The following RPS6KC1 variants were observed in gnomAD, a reference collection of about 807,000 sequenced individuals.
The protein encoded by RPS6KC1 is inactive ribosomal protein S6 kinase delta-1.
RPS6KC1 carries 54 observed loss-of-function variants against 103.8 expected under a neutral mutation model. The ratio of observed to expected loss-of-function variants is 0.52; its 90% CI spans 0.42 to 0.65. RPS6KC1 has a LOEUF of 0.65. RPS6KC1 is among the 30% of genes least tolerant of loss of function. The pLI, the probability that RPS6KC1 is intolerant of heterozygous loss-of-function variation, is 0.00. For missense variants in RPS6KC1, 1,151 were observed against 1,253.8 expected (o/e 0.92, Z 1.24); for synonymous variants, 439 against 438.7 (o/e 1.00, Z -0.01).
intron 7 of RPS6KC1, among the ~76,000 whole-genome samples, chr1:213,173,310 C>T (rs1287450830): frequency 6.6e-6 from 1 of 152,200 alleles, no homozygotes; most frequent in Non-Finnish European, 1.5e-5. Flanking sequence ...AAAAAGAGAA[C>T]TTTAATGATC....
the RPS6KC1 span, among the ~76,000 whole-genome samples, chr1:213,528,061 G>T: frequency 6.6e-6 from 1 of 151,906 alleles, no homozygotes; most frequent in Non-Finnish European, 1.5e-5. Context: ...TCTCAGGGCA[G>T]AGGCAAAAGA....
At chr1:213,105,605 A>G (rs767888628) in intron 4 of RPS6KC1, among the ~76,000 whole-genome samples, 11 of 152,154 alleles carry the variant, frequency 7.2e-5, no homozygotes, top group Non-Finnish European at 1.3e-4. Context: ...GATATTGCAA[A>G]TTTACAGTAA....
the RPS6KC1 span, among the ~76,000 whole-genome samples, chr1:213,592,506 C>G: frequency 4.6e-5 from 7 of 152,134 alleles, no homozygotes; most frequent in Non-Finnish European, 1.0e-4. Flanking sequence ...TACTTTTGCC[C>G]TTTCTAGGGG....
the RPS6KC1 span, among the ~76,000 whole-genome samples, chr1:213,514,525 C>T: frequency 6.6e-6 from 1 of 151,996 alleles, no homozygotes; most frequent in South Asian, 2.1e-4. Flanking sequence ...TGATGGTTTC[C>T]AGCTTCATCC....
intron 3 of RPS6KC1, among the ~76,000 whole-genome samples, chr1:213,090,822 C>G (rs2080892547): frequency 6.6e-6 from 1 of 152,040 alleles, no homozygotes; most frequent in Admixed American, 6.6e-5. Context: ...ATAAAAAATA[C>G]ACTACATGTT....
intron 6 of RPS6KC1, among the ~76,000 whole-genome samples, chr1:213,163,616 T>A (rs2090687477): frequency 6.6e-6 from 1 of 152,172 alleles, no homozygotes; most frequent in Non-Finnish European, 1.5e-5. Context: ...GAAAGAACCG[T>A]TTTTTATTCT....
At chr1:213,226,096 G>A (rs944133204) in intron 8 of RPS6KC1, among the ~76,000 whole-genome samples, 8 of 152,142 alleles carry the variant, frequency 5.3e-5, no homozygotes, top group East Asian at 3.9e-4. Context: ...GGTGGCGGGC[G>A]CCTGTAGTCC....
chr1:213,663,262 T>C, the RPS6KC1 span, among the ~76,000 whole-genome samples: 3 of 152,256 alleles, frequency 2.0e-5, no homozygotes, highest in African/African-American at 7.2e-5. Context: ...AGACAAGAGC[T>C]GTGACTTGCA....
intron 12 of RPS6KC1, among the ~76,000 whole-genome samples, chr1:213,248,788 G>A (rs2094496915): frequency 6.6e-6 from 1 of 152,168 alleles, no homozygotes; most frequent in Non-Finnish European, 1.5e-5. Flanking sequence ...AATGCGATTT[G>A]TCTCTAGTGG....
chr1:213,487,618 G>A, the RPS6KC1 span, among the ~76,000 whole-genome samples: 1 of 152,006 alleles, frequency 6.6e-6, no homozygotes, highest in Non-Finnish European at 1.5e-5. Flanking sequence ...CTTACAGGGG[G>A]GCATAGTGGT....
At chr1:213,774,358 A>G in the RPS6KC1 span, among the ~76,000 whole-genome samples, 28 of 152,200 alleles carry the variant, frequency 1.8e-4, no homozygotes, top group Non-Finnish European at 2.6e-4. Context: ...ATTTCAGAAT[A>G]CAAACTAAAG....
At chr1:213,091,281 C>G (rs1439298667) in intron 3 of RPS6KC1, among the ~76,000 whole-genome samples, 1 of 151,858 alleles carries the variant, frequency 6.6e-6, no homozygotes, top group African/African-American at 2.4e-5. Flanking sequence ...AGGATGATCT[C>G]GATCTCCTGA....
At chr1:213,339,094 T>A in the RPS6KC1 span, among the ~76,000 whole-genome samples, 2 of 152,010 alleles carry the variant, frequency 1.3e-5, no homozygotes. Context: ...TGAAACTCCA[T>A]CTGAACTAAA....
intron 6 of RPS6KC1, among the ~76,000 whole-genome samples, chr1:213,141,685 T>C (rs894522360): frequency 6.6e-6 from 1 of 152,052 alleles, no homozygotes; most frequent in Non-Finnish European, 1.5e-5. Flanking sequence ...ATTGGTTAGC[T>C]CTTGTTTTTC....
chr1:213,355,450 A>G, the RPS6KC1 span, among the ~76,000 whole-genome samples: 1 of 152,102 alleles, frequency 6.6e-6, no homozygotes, highest in Non-Finnish European at 1.5e-5. Flanking sequence ...TAGCACGGGC[A>G]CGGGGCAGTT....
the RPS6KC1 span, among the ~76,000 whole-genome samples, chr1:213,466,339 T>G: frequency 6.6e-6 from 1 of 152,342 alleles, no homozygotes; most frequent in South Asian, 2.1e-4. Context: ...TGAATGAGAC[T>G]GTCTCCCCCT....
chr1:213,797,324 C>A, the RPS6KC1 span, among the ~76,000 whole-genome samples: 1 of 152,118 alleles, frequency 6.6e-6, no homozygotes, highest in Admixed American at 6.5e-5. Context: ...TATACATTAA[C>A]TAAAAGAAGA....
At chr1:213,328,504 C>CCATATA in the RPS6KC1 span, among the ~76,000 whole-genome samples, 6 of 101,446 alleles carry the variant, frequency 5.9e-5, no homozygotes, top group Non-Finnish European at 8.6e-5. Flanking sequence ...AGCCATTATA[C>CCATATA]TATATATATA....
At position 213,215,319 on chromosome 1, in the gene RPS6KC1, G is replaced by GT. The variant is rs539572366; in HGVS notation, c.1045-15175dup. 6.7e-4 allele frequency among the ~76,000 whole-genome samples: 102 copies of GT among 152,276 alleles called. 1 individual carries two copies. Among genetic ancestry groups the GT allele is most frequent in the Middle Eastern group, 6.8e-3 (2 of 294 alleles). ...TGAATGAAATGAAGTGAGAAGAGAA[G>GT]TTTAGAGAAAAAAGAATAAAAAGAA... On this transcript the variant is annotated intron_variant, in intron 8 of 14. Transcript: ENST00000366960.
Sources: allele counts gnomAD v4.1 joint callset (sites outside exome capture counted in the v4.1 genomes callset), GRCh38; gene constraint gnomAD v4.1.1; transcripts MANE v1.5; gene names NCBI Gene and HGNC (gene_info 2026-07-23, HGNC 2026-07-21).